The following PCSK6 variants were observed in gnomAD, a reference collection of about 807,000 sequenced individuals.
PCSK6 encodes the protein proprotein convertase subtilisin/kexin type 6, also known as paired basic amino acid cleaving enzyme 4.
Under a neutral mutation model 123.3 loss-of-function variants are expected in PCSK6, and 85 were observed. The observed-to-expected ratio is 0.69, with a 90% confidence interval of 0.58 to 0.83. The LOEUF (loss-of-function observed/expected upper bound fraction) is 0.83, where lower values mean the gene tolerates loss of function less well. PCSK6 is among the 40% of genes least tolerant of loss of function. The pLI is 0.00. For missense variants in PCSK6, 1,191 were observed against 1,282.3 expected (o/e 0.93, Z 1.09); for synonymous variants, 508 against 516.0 (o/e 0.98, Z 0.21).
rs192736643 is a variant in PCSK6 at position 101,412,572 on chromosome 15, T to C, written c.824-13996A>G. Among the ~76,000 whole-genome samples the C allele has an allele frequency of 2.0e-3, 305 of 150,966 alleles. 1 individual carries two copies. The highest frequency in any genetic ancestry group is 6.6e-3 in the Admixed American group (100 of 15,202). ...GAAACTGAAAGTCTCAGCAAAGAAA[T>C]ACACGATATAAAGAGGAACCAAGTA... On this transcript the variant is annotated intron_variant, in intron 6 of 21. Coordinates refer to ENST00000611716, the MANE Select transcript of PCSK6 (RefSeq NM_002570.5).
intron 6 of PCSK6, among the ~76,000 whole-genome samples, chr15:101,408,064 AG>A (rs201983832): frequency 2.9e-3 from 446 of 152,332 alleles, no homozygotes; most frequent in African/African-American, 9.4e-3. Context: ...AGGCACACAC[AG>A]GAAGCCAGTG....
At position 101,471,774 on chromosome 15, in the gene PCSK6, A is replaced by G. The variant is rs562121174; in HGVS notation, c.297+17600T>C. ...CAGCCATCACTCCAGAAAGTCTCGC[A>G]TGTGCCTTCCCGGTCAACCTCCAGC... On this transcript the variant is annotated intron_variant, in intron 1 of 21. Transcript: ENST00000611716. 2.0e-5 allele frequency among the ~76,000 whole-genome samples: 3 copies of G among 152,294 alleles called. No homozygotes were observed. In the East Asian group the frequency reaches 5.8e-4, roughly 29 times the overall value.
At chr15:101,315,285 A>G (rs933219828) in intron 19 of PCSK6, among the ~76,000 whole-genome samples, 6 of 152,206 alleles carry the variant, frequency 3.9e-5, no homozygotes, top group African/African-American at 1.4e-4. Context: ...TGTGATGTGT[A>G]TTTTACCGCA....
chr15:101,307,360 G>T, intron 20 of PCSK6, 35 bp from the exon 21 acceptor site: 4 of 1,518,494 alleles, frequency 2.6e-6, no homozygotes, highest in Non-Finnish European at 3.6e-6. Flanking sequence ...GAAGTCTGGG[G>T]AAGAGGCTCC....
chr15:101,378,644 G>C (rs576656351), intron 11 of PCSK6, among the ~76,000 whole-genome samples: 1 of 152,268 alleles, frequency 6.6e-6, no homozygotes, highest in East Asian at 1.9e-4. Context: ...CAGGGGGCCT[G>C]GCTCCTTGAT....
At position 101,332,047 on chromosome 15, in the gene PCSK6, C is replaced by T; in HGVS notation, c.1859-16G>A. The T allele has an allele frequency of 2.5e-6, 4 of 1,577,862 alleles. No homozygotes were observed. The highest frequency in any genetic ancestry group is 3.5e-6 in the Non-Finnish European group (4 of 1,157,602). ...TTCAACTTCCCTGGAAGGCACCAAA[C>T]CCACAGAGTTACCTGCCTGTGCCAA... On this transcript the variant is annotated splice_polypyrimidine_tract_variant and intron_variant, in intron 13 of 21. Coordinates refer to ENST00000611716, the MANE Select transcript of PCSK6 (RefSeq NM_002570.5).
intron 9 of PCSK6, among the ~76,000 whole-genome samples, chr15:101,385,980 C>T (rs963593792): frequency 2.0e-5 from 3 of 152,110 alleles, no homozygotes; most frequent in South Asian, 2.1e-4. Context: ...GAACATCTCT[C>T]GAGTCCAAGA....
At chr15:101,488,292 AG>A (rs1309681915) in intron 1 of PCSK6, among the ~76,000 whole-genome samples, 1 of 152,216 alleles carries the variant, frequency 6.6e-6, no homozygotes, top group Middle Eastern at 3.2e-3. Flanking sequence ...CTGCACTGAG[AG>A]GTCCCCTGGT....
intron 9 of PCSK6, among the ~76,000 whole-genome samples, chr15:101,388,718 A>T (rs1362525192): frequency 2.0e-5 from 3 of 152,216 alleles, no homozygotes; most frequent in Non-Finnish European, 4.4e-5. Context: ...GATGGCCTAA[A>T]AAAAGGAAGG....
chr15:101,400,229 T>C (rs2042547706), intron 6 of PCSK6, among the ~76,000 whole-genome samples: 1 of 152,150 alleles, frequency 6.6e-6, no homozygotes, highest in African/African-American at 2.4e-5. Context: ...CTCTGGCATA[T>C]ACTTTCTTTC....
intron 1 of PCSK6, among the ~76,000 whole-genome samples, chr15:101,475,670 T>TC (rs1205799538): frequency 1.3e-5 from 2 of 150,826 alleles, no homozygotes; most frequent in Non-Finnish European, 3.0e-5. Flanking sequence ...TTTTTTTTTT[T>TC]TGTAGAGTCA....
chr15:101,342,780 T>C (rs2040646036), intron 13 of PCSK6, among the ~76,000 whole-genome samples: 2 of 152,214 alleles, frequency 1.3e-5, no homozygotes, highest in Non-Finnish European at 2.9e-5. Flanking sequence ...CGCATGCCTG[T>C]AATCCCAGCT....
chr15:101,344,413 A>T (rs1248674786), intron 13 of PCSK6, among the ~76,000 whole-genome samples: 1 of 152,198 alleles, frequency 6.6e-6, no homozygotes, highest in African/African-American at 2.4e-5. Context: ...TGATACATAC[A>T]CAGAGCTACA....
intron 1 of PCSK6, among the ~76,000 whole-genome samples, chr15:101,459,279 C>T (rs1228870627): frequency 6.6e-6 from 1 of 152,204 alleles, no homozygotes; most frequent in Non-Finnish European, 1.5e-5. Flanking sequence ...CTGGCTTCCT[C>T]CATCCTGTTG....
At chr15:101,479,854 A>G (rs1239823381) in intron 1 of PCSK6, among the ~76,000 whole-genome samples, 1 of 152,198 alleles carries the variant, frequency 6.6e-6, no homozygotes, top group Non-Finnish European at 1.5e-5. Context: ...TTTTGAAGGC[A>G]AGAAGGAAGC....
chr15:101,361,281 A>G (rs1321990430), intron 13 of PCSK6, among the ~76,000 whole-genome samples: 1 of 151,502 alleles, frequency 6.6e-6, no homozygotes, highest in Non-Finnish European at 1.5e-5. Flanking sequence ...ATAGGAAGAT[A>G]TTTGAGTTTA....
rs77064163 is a variant in PCSK6 at position 101,404,821 on chromosome 15, G to A, written c.824-6245C>T. ...AGGAGACCTCACTGGCCACCCGGGG[G>A]TCAAGACCAATTCTGATGCTCTAAG... On this transcript the variant is annotated intron_variant, in intron 6 of 21. Transcript: ENST00000611716. Among the ~76,000 whole-genome samples the A allele has an allele frequency of 5.5e-3, 834 of 152,274 alleles. 8 individuals carry two copies. The highest frequency in any genetic ancestry group is 0.019 in the African/African-American group (798 of 41,562).
intron 19 of PCSK6, among the ~76,000 whole-genome samples, chr15:101,315,142 T>C (rs972978789): frequency 3.3e-5 from 5 of 152,266 alleles, no homozygotes; most frequent in Admixed American, 6.5e-5. Flanking sequence ...TTAAGTTTCA[T>C]GCTCAATGTA....
At chr15:101,428,195 G>A (rs1450675462) in intron 5 of PCSK6, among the ~76,000 whole-genome samples, 2 of 151,898 alleles carry the variant, frequency 1.3e-5, no homozygotes, top group Non-Finnish European at 1.5e-5. Flanking sequence ...CCTGAATGTG[G>A]CAAGTGCTCA....
Sources: allele counts gnomAD v4.1 joint callset (sites outside exome capture counted in the v4.1 genomes callset), GRCh38; gene constraint gnomAD v4.1.1; transcripts MANE v1.5; gene names NCBI Gene and HGNC (gene_info 2026-07-23, HGNC 2026-07-21).